IL16: variants seen among roughly 807,000 people sequenced by gnomAD.
IL16 encodes pro-interleukin-16.
Under a neutral mutation model 110.1 loss-of-function variants are expected in IL16, and 67 were observed. The ratio of observed to expected loss-of-function variants is 0.61; its 90% CI spans 0.50 to 0.75. The LOEUF is 0.75. Among genes scored for constraint, IL16 ranks in the 30% least tolerant of loss-of-function variants. IL16 has a pLI of 0.00. For synonymous variants in IL16, 689 were observed against 662.9 expected (o/e 1.04, Z -0.61); for missense variants, 1,545 against 1,655.0 (o/e 0.93, Z 1.15).
chr15:81,244,311 TTTTG>T (rs538641255), intron 2 of IL16, among the ~76,000 whole-genome samples: 1,637 of 152,274 alleles, frequency 0.011, 21 homozygotes, highest in African/African-American at 0.038. Context: ...TTAAGATTCT[TTTTG>T]TTTGTTTGTT....
intron 1 of IL16, among the ~76,000 whole-genome samples, chr15:81,186,741 A>G (rs1895424877): frequency 6.6e-6 from 1 of 152,210 alleles, no homozygotes; most frequent in South Asian, 2.1e-4. Flanking sequence ...TCTACAAATA[A>G]CATTTTAGTA....
In IL16 at chr15:81,308,635, A is replaced by G; in HGVS notation, c.3836A>G (p.Gln1279Arg). Residue 1279 changes from glutamine to arginine, a missense_variant, in exon 19 of 19, where the codon CAG (glutamine) becomes CGG (arginine). By Grantham distance (43) the Gln-to-Arg change is conservative. This residue lies in a region of IL16 where 356 missense variants were observed against 399.3 expected (regional missense o/e 0.89). Coordinates refer to ENST00000683961, the MANE Select transcript of IL16 (RefSeq NM_172217.5). Reference protein sequence around the residue: ...GAASEQSETVQPGDEILQLGG... With the variant: ...GAASEQSETVRPGDEILQLGG... ...GCCTCAGAACAAAGTGAGACAGTCCAGCCTGGAGATGAAATCTTACAGCTG... is the reference window on the plus strand; with the variant it reads ...GCCTCAGAACAAAGTGAGACAGTCCGGCCTGGAGATGAAATCTTACAGCTG... The G allele has an allele frequency of 6.2e-7, 1 of 1,613,300 alleles. No individual in the cohort carries two copies. Among genetic ancestry groups the G allele is most frequent in the South Asian group, 1.1e-5 (1 of 90,970 alleles).
chr15:81,190,781 G>A (rs895330242), intron 1 of IL16, among the ~76,000 whole-genome samples: 9 of 152,152 alleles, frequency 5.9e-5, no homozygotes, highest in Non-Finnish European at 7.3e-5. Flanking sequence ...TGTCTAGGAC[G>A]GCGAGACAAG....
upstream of IL16, among the ~76,000 whole-genome samples, chr15:81,191,966 C>T (rs112756921): frequency 2.6e-5 from 4 of 152,266 alleles, no homozygotes; most frequent in Non-Finnish European, 5.9e-5. Flanking sequence ...GAAAACAACG[C>T]AAAGCCTTTG....
intron 1 of IL16, among the ~76,000 whole-genome samples, chr15:81,203,539 T>C (rs1367950677): frequency 1.3e-5 from 2 of 152,086 alleles, no homozygotes; most frequent in African/African-American, 2.4e-5. Context: ...TTTCTACATA[T>C]GGCTAGCCAG....
At chr15:81,228,086 C>T (rs765374503) in intron 2 of IL16, among the ~76,000 whole-genome samples, 3 of 151,972 alleles carry the variant, frequency 2.0e-5, no homozygotes, top group African/African-American at 4.8e-5. Context: ...GAATTCCAGG[C>T]GAAGGGACAT....
chr15:81,264,357 C>T (rs577581112), intron 3 of IL16, among the ~76,000 whole-genome samples: 162 of 152,290 alleles, frequency 1.1e-3, no homozygotes, highest in Admixed American at 1.6e-3. Context: ...CAAAACCTCT[C>T]CCTTCTTCAC....
chr15:81,284,986 T>G (rs762759711), intron 9 of IL16, among the ~76,000 whole-genome samples: 7 of 152,188 alleles, frequency 4.6e-5, no homozygotes, highest in African/African-American at 7.2e-5. Flanking sequence ...GGGAAATCTA[T>G]TCAACCTCTG....
intron 1 of IL16, among the ~76,000 whole-genome samples, chr15:81,209,530 G>A (rs1377823691): frequency 6.6e-6 from 1 of 152,120 alleles, no homozygotes; most frequent in East Asian, 1.9e-4. Context: ...GAGCTCTCTT[G>A]TTCTTTTTTT....
chr15:81,185,667 G>A (rs1368824499), intron 1 of IL16, among the ~76,000 whole-genome samples: 2 of 152,132 alleles, frequency 1.3e-5, no homozygotes, highest in East Asian at 3.9e-4. Flanking sequence ...GGGATCTAAT[G>A]GGACACATTA....
At chr15:81,259,984 C>A (rs1305249114) in intron 3 of IL16, 104 bp downstream of exon 3, 4 of 729,686 alleles carry the variant, frequency 5.5e-6, no homozygotes, top group Non-Finnish European at 9.6e-6. Flanking sequence ...TTGGAGTAAA[C>A]TAGCATTGGA....
chr15:81,194,619 G>A (rs1313337170), upstream of IL16, among the ~76,000 whole-genome samples: 2 of 151,924 alleles, frequency 1.3e-5, no homozygotes, highest in African/African-American at 2.4e-5. Flanking sequence ...AGAATTAGAA[G>A]GAAATACAGG....
intron 1 of IL16, among the ~76,000 whole-genome samples, chr15:81,191,776 AG>A (rs1466305122): frequency 6.6e-6 from 1 of 152,224 alleles, no homozygotes; most frequent in Non-Finnish European, 1.5e-5. Flanking sequence ...GAAAACAGCT[AG>A]GGCAGAAGTC....
chr15:81,258,686 A>G (rs1898034067), intron 2 of IL16, among the ~76,000 whole-genome samples: 1 of 151,380 alleles, frequency 6.6e-6, no homozygotes, highest in Admixed American at 6.6e-5. Context: ...ACAACAGAGC[A>G]CCACCCTGTC....
Position 81,299,931 on chromosome 15 carries a change from G to A in IL16, c.2605G>A (p.Gly869Arg). 2.5e-6 allele frequency: 4 copies of A among 1,613,188 alleles called. No homozygotes were observed. Among genetic ancestry groups the A allele is most frequent in the Non-Finnish European group, 3.4e-6 (4 of 1,179,866 alleles). ...AQRLSLQPSS[G>R]EAAKPLGKHE... ...GAGACTGAGCCTCCAGCCCTCCTCT[G>A]GGGAGGCAGCAAAACCTCTTGGGAA... Residue 869 changes from glycine to arginine, a missense_variant, in exon 14 of 19, where the codon GGG (glycine) becomes AGG (arginine). By Grantham distance (125) the Gly-to-Arg change is moderately radical (BLOSUM62 -2). This residue lies in a region of IL16 where 1,185 missense variants were observed against 1,238.8 expected (regional missense o/e 0.96). Transcript: ENST00000683961.
At chr15:81,230,718 T>C (rs1412688935) in intron 2 of IL16, among the ~76,000 whole-genome samples, 2 of 152,196 alleles carry the variant, frequency 1.3e-5, no homozygotes, top group African/African-American at 4.8e-5. Context: ...TAATAGGATT[T>C]ACACCCTTCA....
At chr15:81,286,793 C>T (rs1176017011) in intron 10 of IL16, among the ~76,000 whole-genome samples, 2 of 152,166 alleles carry the variant, frequency 1.3e-5, no homozygotes, top group Non-Finnish European at 2.9e-5. Context: ...TTGATAGACA[C>T]ATACCTGAGA....
chr15:81,185,692 C>T (rs1303662367), intron 1 of IL16, among the ~76,000 whole-genome samples: 1 of 152,146 alleles, frequency 6.6e-6, no homozygotes, highest in Non-Finnish European at 1.5e-5. Context: ...AACAACTGTA[C>T]ACACATAAAT....
At chr15:81,299,188 G>A in intron 13 of IL16, 192 bp from the exon 14 acceptor site, 1 of 840,498 alleles carries the variant, frequency 1.2e-6, no homozygotes, top group Non-Finnish European at 2.0e-6. Context: ...TCCTACTTCT[G>A]GTCCTTCACT....
Sources: gnomAD v4.1 joint callset for allele counts (sites outside exome capture counted in the v4.1 genomes callset) on GRCh38, gnomAD v4.1.1 for gene constraint, gnomAD v4.1.1 regional missense constraint, MANE v1.5 for transcripts, NCBI Gene and HGNC (gene_info 2026-07-23, HGNC 2026-07-21) for gene names.